PPP1R12B: variants seen among roughly 807,000 people sequenced by gnomAD.
The protein encoded by PPP1R12B is protein phosphatase 1 regulatory subunit 12B, also known as myosin phosphatase target subunit 2.
In PPP1R12B, 76 loss-of-function variants were observed where a neutral mutation model predicts 126.1. The observed-to-expected ratio is 0.60, with a 90% CI of 0.50 to 0.73. PPP1R12B has a LOEUF of 0.73. Among genes scored for constraint, PPP1R12B ranks in the 30% least tolerant of loss-of-function variants. The pLI, the probability that PPP1R12B is intolerant of heterozygous loss-of-function variation, is 0.00. For synonymous variants in PPP1R12B, 356 were observed against 434.7 expected, an observed-to-expected ratio of 0.82 and a Z score of 2.25; for missense variants, 1,052 against 1,205.1, an observed-to-expected ratio of 0.87 and a Z score of 1.88.
intron 1 of PPP1R12B, among the ~76,000 whole-genome samples, chr1:202,372,257 A>C (rs1660415067): frequency 6.6e-6 from 1 of 152,076 alleles, no homozygotes; most frequent in East Asian, 1.9e-4. Context: ...TAATCTTAGC[A>C]CTTTGGGAAG....
At chr1:202,424,189 T>C (rs769377484) in intron 3 of PPP1R12B, among the ~76,000 whole-genome samples, 3 of 152,200 alleles carry the variant, frequency 2.0e-5, no homozygotes, top group Non-Finnish European at 4.4e-5. Context: ...GGGGTATTCA[T>C]ATATATGTTT....
chr1:202,359,908 A>G (rs1657856132), intron 1 of PPP1R12B, among the ~76,000 whole-genome samples: 1 of 149,202 alleles, frequency 6.7e-6, no homozygotes, highest in African/African-American at 2.5e-5. Flanking sequence ...CTGATTGTTC[A>G]CAGGTGTGTG....
intron 13 of PPP1R12B, among the ~76,000 whole-genome samples, chr1:202,480,693 T>G (rs1363989504): frequency 6.6e-6 from 1 of 152,222 alleles, no homozygotes; most frequent in Non-Finnish European, 1.5e-5. Context: ...ATTAAATAAT[T>G]TATTTTTACT....
At chr1:202,452,224 G>T (rs1170561687) in intron 13 of PPP1R12B, among the ~76,000 whole-genome samples, 1 of 152,200 alleles carries the variant, frequency 6.6e-6, no homozygotes, top group Non-Finnish European at 1.5e-5. Context: ...GTTGTAGCGA[G>T]CCGAGATCAC....
At chr1:202,458,061 G>A (rs1436807003) in intron 13 of PPP1R12B, among the ~76,000 whole-genome samples, 1 of 152,042 alleles carries the variant, frequency 6.6e-6, no homozygotes, top group Non-Finnish European at 1.5e-5. Flanking sequence ...GGGGAGAGTG[G>A]GACATGGGAG....
intron 1 of PPP1R12B, among the ~76,000 whole-genome samples, chr1:202,410,695 A>C (rs1331758925): frequency 6.6e-6 from 1 of 152,158 alleles, no homozygotes; most frequent in Non-Finnish European, 1.5e-5. Flanking sequence ...AAAATCAAGT[A>C]TTTTTCCTTG....
chr1:202,547,858 T>C (rs1040246279), intron 18 of PPP1R12B, among the ~76,000 whole-genome samples: 1 of 152,190 alleles, frequency 6.6e-6, no homozygotes, highest in African/African-American at 2.4e-5. Context: ...TTATTCCTCT[T>C]GTAGCCAACA....
chr1:202,441,263 C>A (rs1671575122), intron 11 of PPP1R12B, among the ~76,000 whole-genome samples: 1 of 152,156 alleles, frequency 6.6e-6, no homozygotes, highest in South Asian at 2.1e-4. Context: ...CATCTCAGGG[C>A]AAATGTGATC....
At chr1:202,431,899 G>T (rs1251139398) in intron 8 of PPP1R12B, among the ~76,000 whole-genome samples, 1 of 152,126 alleles carries the variant, frequency 6.6e-6, no homozygotes, top group East Asian at 1.9e-4. Flanking sequence ...GGCCAAGTGC[G>T]GTGGCTTGCT....
rs968112944 is a variant in PPP1R12B, at chr1:202,567,802, C to T, written c.2782C>T (p.Arg928Ter). 3 of 1,613,914 alleles carry T rather than the reference C, an allele frequency of 1.9e-6. No individual in the cohort carries two copies. The highest frequency in any genetic ancestry group is 1.3e-5 in the African/African-American group (1 of 74,900). Residue 928 changes from arginine to a stop codon, truncating the protein, a stop_gained, in exon 22 of 24, where the codon CGA (arginine) becomes TGA (stop). Transcript: ENST00000608999. LOFTEE classifies it high-confidence loss of function. ...AQQKQEKTSDRSSVLEMEKRE... is the reference protein window; with the variant it reads ...AQQKQEKTSD ...GCAGAAACAAGAAAAGACCTCTGAC[C>T]GATCATCAGTGCTGGAGATGGAGAA...
chr1:202,522,183 A>G (rs914711175), intron 18 of PPP1R12B, among the ~76,000 whole-genome samples: 16 of 152,186 alleles, frequency 1.1e-4, no homozygotes, highest in Non-Finnish European at 1.9e-4. Context: ...TGATAAAAGA[A>G]CTAAAGGATG....
chr1:202,497,920 G>A (rs1290927159), intron 18 of PPP1R12B, among the ~76,000 whole-genome samples: 1 of 152,132 alleles, frequency 6.6e-6, no homozygotes, highest in African/African-American at 2.4e-5. Context: ...ATAACTCAAA[G>A]CATATATAAC....
At chr1:202,404,644 C>T (rs1269547321) in intron 1 of PPP1R12B, among the ~76,000 whole-genome samples, 3 of 152,064 alleles carry the variant, frequency 2.0e-5, no homozygotes, top group East Asian at 1.9e-4. Context: ...GGACTGCAGG[C>T]GTGTGCCACC....
intron 18 of PPP1R12B, among the ~76,000 whole-genome samples, chr1:202,533,118 C>T (rs768652512): frequency 5.3e-5 from 8 of 152,138 alleles, no homozygotes; most frequent in Non-Finnish European, 1.0e-4. Flanking sequence ...ATCTGCCCGC[C>T]TCAGCCTCCC....
intron 10 of PPP1R12B, 169 bp downstream of exon 10, chr1:202,438,193 T>G: frequency 6.4e-7 from 1 of 1,558,102 alleles, no homozygotes; most frequent in Non-Finnish European, 8.6e-7. Context: ...AGCTATTTGC[T>G]TGCTATTGTT....
intron 1 of PPP1R12B, among the ~76,000 whole-genome samples, chr1:202,402,265 A>C (rs1429019572): frequency 1.3e-5 from 2 of 152,168 alleles, no homozygotes; most frequent in Non-Finnish European, 2.9e-5. Context: ...TTCTCTTACC[A>C]ACAAATCACG....
intron 18 of PPP1R12B, among the ~76,000 whole-genome samples, chr1:202,553,860 C>T (rs1686596783): frequency 1.3e-5 from 2 of 152,098 alleles, no homozygotes; most frequent in Non-Finnish European, 2.9e-5. Context: ...CTCACTGTTC[C>T]CCTGAGATTA....
At position 202,442,434 on chromosome 1, in the gene PPP1R12B, C is replaced by A; in HGVS notation, c.1542-13C>A. The A allele has an allele frequency of 6.2e-7, 1 of 1,603,846 alleles. No individual in the cohort carries two copies. Among genetic ancestry groups the A allele is most frequent in the Non-Finnish European group, 8.5e-7 (1 of 1,176,094 alleles). On this transcript the variant is annotated splice_polypyrimidine_tract_variant and intron_variant, in intron 11 of 23. Transcript: ENST00000608999. ...AGGAATCAGTGTTTTGTTTTCCTTT[C>A]ATGCTTCTACAGAGAATCAGCTGTT...
At chr1:202,405,642 C>T (rs551850078) in intron 1 of PPP1R12B, among the ~76,000 whole-genome samples, 7 of 152,224 alleles carry the variant, frequency 4.6e-5, no homozygotes, top group African/African-American at 1.7e-4. Context: ...GATAATTTAA[C>T]AGATGAGGAA....
Sources: gnomAD v4.1 joint callset for allele counts (sites outside exome capture counted in the v4.1 genomes callset) on GRCh38, gnomAD v4.1.1 for gene constraint, MANE v1.5 for transcripts, NCBI Gene and HGNC (gene_info 2026-07-23, HGNC 2026-07-21) for gene names.